Variants in DNAH10 observed in about 807,000 individuals in gnomAD.
DNAH10 encodes the protein axonemal beta dynein heavy chain 10.
A neutral mutation model predicts 506.6 loss-of-function variants in DNAH10; 348 were observed. That is an observed-to-expected ratio of 0.69 (90% CI 0.63 to 0.75). The LOEUF (loss-of-function observed/expected upper bound fraction) is 0.75, where lower values mean the gene tolerates loss of function less well. DNAH10 is among the 30% of genes least tolerant of loss of function. The probability of loss-of-function intolerance (pLI) is 0.00; values close to 1 mark genes in which losing one functional copy is unlikely to be tolerated. For synonymous variants in DNAH10, 2,059 were observed against 2,198.6 expected, an observed-to-expected ratio of 0.94 and a Z score of 1.78; for missense variants, 5,179 against 5,787.1, an observed-to-expected ratio of 0.89 and a Z score of 3.41.
rs770212782 is a variant in DNAH10, at chr12:123,914,838, G to C, written c.10575-14G>C. 1 of 1,611,894 alleles carries C rather than the reference G, an allele frequency of 6.2e-7. No homozygotes were observed. The highest frequency in any genetic ancestry group is 1.1e-5 in the South Asian group (1 of 90,798). ...GGTGAGAAAAATTCATTTCCCAATG[G>C]CTGTTTCTTCCAGATGGGGATCCCA... On this transcript the variant is annotated splice_polypyrimidine_tract_variant and intron_variant, in intron 61 of 78. Transcript: ENST00000673944.
chr12:123,770,373 C>G (rs1957205599), intron 2 of DNAH10, among the ~76,000 whole-genome samples: 1 of 151,864 alleles, frequency 6.6e-6, no homozygotes, highest in Non-Finnish European at 1.5e-5. Context: ...GCGGCACCAT[C>G]ACTCCTGGAT....
chr12:123,777,572 C>T (rs1033336491), intron 5 of DNAH10, among the ~76,000 whole-genome samples: 2 of 152,234 alleles, frequency 1.3e-5, no homozygotes, highest in African/African-American at 4.8e-5. Flanking sequence ...CCTCCTTCAT[C>T]GGGATGATGT....
intron 1 of DNAH10, among the ~76,000 whole-genome samples, chr12:123,766,112 GTCTA>G (rs202070249): frequency 0.027 from 3,720 of 137,560 alleles, 72 homozygotes; most frequent in African/African-American, 0.054. Context: ...ACATCTGTCT[GTCTA>G]TCTATCTATA....
At chr12:123,797,951 A>G (rs1171399587) in intron 13 of DNAH10, among the ~76,000 whole-genome samples, 1 of 152,246 alleles carries the variant, frequency 6.6e-6, no homozygotes, top group Non-Finnish European at 1.5e-5. Flanking sequence ...TCGTTGCTGC[A>G]ATAAAGTATC....
chr12:123,910,974 G>A (rs1321242615), intron 59 of DNAH10, among the ~76,000 whole-genome samples: 1 of 151,916 alleles, frequency 6.6e-6, no homozygotes, highest in Non-Finnish European at 1.5e-5. Flanking sequence ...GGAAGGCCCA[G>A]ATGGGAGGAT....
chr12:123,900,955 G>A lies in DNAH10; in HGVS notation c.9641-1984G>A, dbSNP rs141686959. ...GTTGGCTGTGATTGGACAGATTTGGGTCACATGCCCATGCCGAAACCAATC... is the reference window on the plus strand; with the variant it reads ...GTTGGCTGTGATTGGACAGATTTGGATCACATGCCCATGCCGAAACCAATC... On this transcript the variant is annotated intron_variant, in intron 56 of 78. Transcript: ENST00000673944. Among the ~76,000 whole-genome samples, 65 of 152,268 alleles carry A rather than the reference G, an allele frequency of 4.3e-4. 1 individual carries two copies. Among genetic ancestry groups the A allele is most frequent in the Middle Eastern group, 3.4e-3 (1 of 294 alleles).
intron 38 of DNAH10, among the ~76,000 whole-genome samples, chr12:123,859,745 G>A (rs1335766824): frequency 1.3e-5 from 2 of 152,022 alleles, no homozygotes; most frequent in East Asian, 1.9e-4. Flanking sequence ...ATTGAAGATC[G>A]TAAAGGAGCC....
chr12:123,819,101 T>C, intron 22 of DNAH10, 35 bp downstream of exon 22: 1 of 1,601,692 alleles, frequency 6.2e-7, no homozygotes. Context: ...AGTAAAGACA[T>C]TGAAAAACGT....
chr12:123,798,237 G>T (rs989647447), intron 13 of DNAH10, among the ~76,000 whole-genome samples: 2 of 152,214 alleles, frequency 1.3e-5, no homozygotes, highest in Non-Finnish European at 1.5e-5. Context: ...TTGCTATAAA[G>T]AAACTGGGTA....
rs1951788872 is a variant in DNAH10, at chr12:123,865,977, T to G, written c.7071T>G (p.Pro2357=). The G allele has an allele frequency of 1.2e-6, 2 of 1,608,684 alleles. No homozygotes were observed. The highest frequency in any genetic ancestry group is 1.7e-6 in the Non-Finnish European group (2 of 1,178,304). ...FEVGDLQYAS[P]ATVSRCGMVY... is the part of the protein sequence containing the mutation. ...TTGGAGATTTACAGTATGCCTCCCC[T>G]GCAACTGTCTCTCGATGTGGAATGG... Residue 2357 remains proline (P), a synonymous_variant, in exon 41 of 79, where the codon CCT becomes CCG. Coordinates refer to ENST00000673944, the MANE Select transcript of DNAH10 (RefSeq NM_001372106.1).
intron 30 of DNAH10, among the ~76,000 whole-genome samples, chr12:123,841,754 T>C (rs1309094781): frequency 1.3e-5 from 2 of 152,188 alleles, no homozygotes; most frequent in East Asian, 1.9e-4. Flanking sequence ...AGTGGTACAA[T>C]GGCTCACTGC....
In DNAH10 at chr12:123,925,308, C is replaced by A; in HGVS notation, c.11921+104C>A. On this transcript the variant is annotated intron_variant, in intron 68 of 78. Transcript: ENST00000673944. This position sits in a 1 kb window ranked among gnomAD's most constrained non-coding sequence, Gnocchi z 4.0. ...AGCAGAGGCTGACCAGCTCCCGAGA[C>A]AGCTGTCGCCACCCTGCTGTACAAT... 1 of 1,458,330 alleles carries A rather than the reference C, an allele frequency of 6.9e-7. No homozygotes were observed. The highest frequency in any genetic ancestry group is 9.4e-7 in the Non-Finnish European group (1 of 1,058,876). 90.3% of individuals were successfully genotyped at this position (1,458,330 alleles called of 1,614,324 possible). A position where few individuals can be genotyped will look rare whatever the true frequency, so the allele number is the denominator to read the frequency against.
At chr12:123,839,726 G>A (rs1352916197) in intron 29 of DNAH10, among the ~76,000 whole-genome samples, 2 of 145,316 alleles carry the variant, frequency 1.4e-5, no homozygotes, top group African/African-American at 2.6e-5. Flanking sequence ...GCAGTGGCGC[G>A]ATCTCCACTC....
At chr12:123,888,966 T>C (rs1952858171) in intron 52 of DNAH10, among the ~76,000 whole-genome samples, 1 of 152,208 alleles carries the variant, frequency 6.6e-6, no homozygotes, top group South Asian at 2.1e-4. Flanking sequence ...CACCTGACCA[T>C]ATTCATTATT....
Position 123,872,773 on chromosome 12 carries a change from A to G in DNAH10, c.7786-785A>G, listed in dbSNP as rs377459167. 6.4e-4 allele frequency among the ~76,000 whole-genome samples: 97 copies of G among 152,294 alleles called. 1 individual carries two copies. In the South Asian group the frequency reaches 0.02, roughly 31 times the overall value. ...CTGCAGTGAGCTATGATTGTGCACCACTGCACTCCAACCTGGGCAACAGAG... is the reference window on the plus strand; with the variant it reads ...CTGCAGTGAGCTATGATTGTGCACCGCTGCACTCCAACCTGGGCAACAGAG... On this transcript the variant is annotated intron_variant, in intron 45 of 78. Transcript: ENST00000673944.
At chr12:123,870,281 A>G (rs1434416662) in intron 43 of DNAH10, 85 bp from the exon 44 acceptor site, 2 of 1,527,684 alleles carry the variant, frequency 1.3e-6, no homozygotes, top group African/African-American at 2.7e-5. Flanking sequence ...TACAAGCAAC[A>G]TTAGTTCATT....
At chr12:123,805,701 A>G (rs534103337) in intron 18 of DNAH10, among the ~76,000 whole-genome samples, 4 of 151,832 alleles carry the variant, frequency 2.6e-5, no homozygotes, top group Admixed American at 2.6e-4. Flanking sequence ...TGTCTTCCTT[A>G]TGAAGGGGAA....
Position 123,833,145 on chromosome 12 carries a change from A to G in DNAH10, c.4577A>G (p.Asn1526Ser). 6.2e-7 allele frequency: 1 copy of G among 1,613,218 alleles called. No homozygotes were observed. The highest frequency in any genetic ancestry group is 1.3e-5 in the African/African-American group (1 of 75,026). Reference protein sequence around the residue: ...AVKEILDTWENMKFTVVKYCK... With the variant: ...AVKEILDTWESMKFTVVKYCK... ...AAGGAAATCCTAGACACGTGGGAAA[A>G]TATGAAATTCACTGTAGTCAAGTAT... is the stretch of plus-strand genomic sequence containing the variant. Residue 1526 changes from asparagine to serine, a missense_variant, in exon 27 of 79, where the codon AAT becomes AGT. This residue lies in a region of DNAH10 where 4,844 missense variants were observed against 5,430.5 expected (regional missense o/e 0.89). Transcript: ENST00000673944.
At chr12:123,809,934 C>T (rs1265934633) in intron 19 of DNAH10, among the ~76,000 whole-genome samples, 4 of 152,204 alleles carry the variant, frequency 2.6e-5, no homozygotes, top group African/African-American at 7.2e-5. Flanking sequence ...TCACCTGGAA[C>T]ATTCTGCTCC....
Sources: allele counts gnomAD v4.1 joint callset (sites outside exome capture counted in the v4.1 genomes callset), GRCh38; gene constraint gnomAD v4.1.1; regional missense constraint gnomAD v4.1.1; non-coding constraint Gnocchi (gnomAD v3.1); transcripts MANE v1.5; gene names NCBI Gene and HGNC (gene_info 2026-07-23, HGNC 2026-07-21).